PLPPR1: variants seen among roughly 807,000 people sequenced by gnomAD.
The protein encoded by PLPPR1 is phospholipid phosphatase related 1.
PLPPR1 carries 10 observed loss-of-function variants against 33.1 expected under a neutral mutation model. That is an observed-to-expected ratio of 0.30 (90% CI 0.19 to 0.51). The LOEUF (loss-of-function observed/expected upper bound fraction) is 0.51. Ranked by LOEUF, PLPPR1 falls within the 20% of genes least tolerant of loss-of-function variation. The pLI is 0.97. For missense variants in PLPPR1, 304 were observed against 408.1 expected (o/e 0.74, Z 2.20); for synonymous variants, 151 against 151.0 (o/e 1.00, Z 0.00).
intron 2 of PLPPR1, among the ~76,000 whole-genome samples, chr9:101,216,045 GT>G (rs1281381332): frequency 6.6e-6 from 1 of 151,976 alleles, no homozygotes; most frequent in Admixed American, 6.6e-5. Context: ...TCCAATTTTA[GT>G]TTTTTTGAGG....
rs1264816102 is a variant in PLPPR1, at chr9:101,324,931, T to C, written c.*874T>C. On this transcript the variant is annotated 3_prime_UTR_variant, in exon 8 of 8. Transcript: ENST00000374874. ...AGGGCCCCAGAACAACAGTTTCACT[T>C]TGTGGCTTTTAATTATTCTAGAATT... 1 of 152,642 alleles carries C rather than the reference T, an allele frequency of 6.6e-6. No homozygotes were observed. The highest frequency in any genetic ancestry group is 2.4e-5 in the African/African-American group (1 of 41,448). The allele number at this position is 152,642 out of a possible 1,614,324, so 9.5% of individuals were successfully genotyped here.
intron 1 of PLPPR1, among the ~76,000 whole-genome samples, chr9:101,170,540 G>A (rs1249917336): frequency 6.6e-6 from 1 of 152,188 alleles, no homozygotes; most frequent in African/African-American, 2.4e-5. Context: ...TGAGATCTGA[G>A]TGGGGACACA....
intron 1 of PLPPR1, among the ~76,000 whole-genome samples, chr9:101,066,288 A>G (rs1052755840): frequency 4.6e-5 from 7 of 152,016 alleles, no homozygotes; most frequent in Non-Finnish European, 8.8e-5. Context: ...CATACTATCA[A>G]TGTGACTTAT....
rs7043018 is a variant in PLPPR1 at position 101,122,088 on chromosome 9, A to G, written c.-45-63362A>G. ...CCTTTGTATGAAAACAGACATTGAA[A>G]CTTGCTTTGTATTCATTTGTTTTTC... On this transcript the variant is annotated intron_variant, in intron 1 of 7. Coordinates refer to ENST00000374874, the MANE Select transcript of PLPPR1 (RefSeq NM_207299.2). Among the ~76,000 whole-genome samples, 13 of 147,636 alleles carry G rather than the reference A, an allele frequency of 8.8e-5. No individual in the cohort carries two copies. In the East Asian group the frequency reaches 1.9e-3, roughly 22 times the overall value.
intron 2 of PLPPR1, among the ~76,000 whole-genome samples, chr9:101,227,166 G>GATC (rs1355873236): frequency 2.0e-5 from 3 of 152,178 alleles, no homozygotes; most frequent in Non-Finnish European, 4.4e-5. Context: ...GATGCACTAG[G>GATC]ATCCCGTAGG....
intron 7 of PLPPR1, among the ~76,000 whole-genome samples, chr9:101,321,048 T>A (rs994288816): frequency 2.0e-5 from 3 of 152,194 alleles, no homozygotes; most frequent in Admixed American, 2.0e-4. Flanking sequence ...TACCCCCCTG[T>A]GAGCAAGAAC....
At chr9:101,260,425 C>G (rs1013779914) in intron 2 of PLPPR1, among the ~76,000 whole-genome samples, 2 of 152,060 alleles carry the variant, frequency 1.3e-5, no homozygotes, top group Admixed American at 1.3e-4. Context: ...ATGTGGAAGC[C>G]TGAAGGTGGC....
intron 5 of PLPPR1, among the ~76,000 whole-genome samples, chr9:101,310,503 G>A (rs998683620): frequency 1.3e-5 from 2 of 152,144 alleles, no homozygotes. Flanking sequence ...CCACCCCCCA[G>A]GGAGATGCTA....
intron 1 of PLPPR1, among the ~76,000 whole-genome samples, chr9:101,069,576 A>T (rs1830459478): frequency 6.6e-6 from 1 of 152,114 alleles, no homozygotes. Flanking sequence ...AAAACTGGAA[A>T]ATAAACTTAT....
At chr9:101,029,904 C>T (rs1829922400) in intron 1 of PLPPR1, among the ~76,000 whole-genome samples, 1 of 152,216 alleles carries the variant, frequency 6.6e-6, no homozygotes. Flanking sequence ...GCTTTATCCT[C>T]TCCCAACCCA....
intron 1 of PLPPR1, among the ~76,000 whole-genome samples, chr9:101,127,564 T>C (rs1831261169): frequency 6.6e-6 from 1 of 152,194 alleles, no homozygotes; most frequent in Non-Finnish European, 1.5e-5. Context: ...GGAGAGCAGG[T>C]TCTTTTAACT....
intron 4 of PLPPR1, among the ~76,000 whole-genome samples, chr9:101,293,109 T>A (rs1828549809): frequency 6.6e-6 from 1 of 151,514 alleles, no homozygotes; most frequent in African/African-American, 2.4e-5. Context: ...TGGAGGAAGA[T>A]CTACCAAGCA....
intron 2 of PLPPR1, chr9:101,187,969 A>G (rs1004333731): frequency 2.0e-5 from 3 of 152,178 alleles, no homozygotes; most frequent in South Asian, 4.1e-4. Flanking sequence ...ATTTTCCTAC[A>G]TATGTATATA....
intron 1 of PLPPR1, among the ~76,000 whole-genome samples, chr9:101,131,277 G>C (rs142251552): frequency 6.6e-6 from 1 of 152,116 alleles, no homozygotes; most frequent in Non-Finnish European, 1.5e-5. Flanking sequence ...TCCTGAACCC[G>C]CTCATTAATA....
intron 1 of PLPPR1, among the ~76,000 whole-genome samples, chr9:101,036,908 A>G (rs930012081): frequency 6.6e-6 from 1 of 152,118 alleles, no homozygotes; most frequent in Non-Finnish European, 1.5e-5. Flanking sequence ...AGTCTCAGAA[A>G]ACTGAATTAA....
chr9:101,076,693 A>G (rs1830541581), intron 1 of PLPPR1, among the ~76,000 whole-genome samples: 1 of 152,228 alleles, frequency 6.6e-6, no homozygotes, highest in South Asian at 2.1e-4. Context: ...GCAATGGAAT[A>G]TAATTAGGAG....
intron 2 of PLPPR1, among the ~76,000 whole-genome samples, chr9:101,223,798 AC>A (rs1564182196): frequency 6.6e-6 from 1 of 152,118 alleles, no homozygotes; most frequent in Non-Finnish European, 1.5e-5. Context: ...TTTATAAATT[AC>A]CCAGTCTGAA....
chr9:101,262,179 G>A (rs1332052354), intron 2 of PLPPR1, among the ~76,000 whole-genome samples: 3 of 152,144 alleles, frequency 2.0e-5, no homozygotes, highest in African/African-American at 7.2e-5. Flanking sequence ...ACTGCTCTAA[G>A]TACTTGTTAC....
intron 1 of PLPPR1, among the ~76,000 whole-genome samples, chr9:101,145,683 A>G (rs646418): frequency 0.64 from 97,441 of 151,526 alleles, 32,559 homozygotes; most frequent in Non-Finnish European, 0.75. Flanking sequence ...GACTGGCAAT[A>G]TATATGATTT....
Sources: allele counts gnomAD v4.1 joint callset (sites outside exome capture counted in the v4.1 genomes callset), GRCh38; gene constraint gnomAD v4.1.1; transcripts MANE v1.5; gene names NCBI Gene and HGNC (gene_info 2026-07-23, HGNC 2026-07-21).